Variants in LRRC49 observed in about 807,000 individuals in gnomAD.
LRRC49 encodes the protein leucine-rich repeat-containing protein 49.
In LRRC49, 50 loss-of-function variants were observed where a neutral mutation model predicts 83.3. The observed-to-expected ratio is 0.60, with a 90% CI of 0.48 to 0.76. The LOEUF (loss-of-function observed/expected upper bound fraction) is 0.76, where lower values mean the gene tolerates loss of function less well. Ranked by LOEUF, LRRC49 falls within the 30% of genes least tolerant of loss-of-function variation. LRRC49 has a pLI of 0.00. For missense variants in LRRC49, 704 were observed against 809.1 expected, an observed-to-expected ratio of 0.87 and a Z score of 1.58; for synonymous variants, 286 against 283.3, an observed-to-expected ratio of 1.01 and a Z score of -0.10.
intron 6 of LRRC49, among the ~76,000 whole-genome samples, chr15:70,914,320 G>GT (rs2034673368): frequency 6.6e-6 from 1 of 152,036 alleles, no homozygotes; most frequent in African/African-American, 2.4e-5. Context: ...TTAAGTGAAT[G>GT]TTTTTTGTCT....
intron 14 of LRRC49, among the ~76,000 whole-genome samples, chr15:71,014,133 GA>G (rs34635046): frequency 1.3e-5 from 2 of 151,230 alleles, no homozygotes; most frequent in Admixed American, 6.6e-5. Context: ...AAACCATTCT[GA>G]AAAAAAAGGA....
chr15:70,919,145 G>A lies in LRRC49; in HGVS notation c.663G>A (p.Leu221=). 6.2e-7 allele frequency: 1 copy of A among 1,612,760 alleles called. No homozygotes were observed. Among genetic ancestry groups the A allele is most frequent in the Non-Finnish European group, 8.5e-7 (1 of 1,179,338 alleles). ...GTCATGTTGATAATCTTAATGGGCT[G>A]GATTCACTAACTGAACTTAACTTGC... ...FLSHVDNLNG[L]DSLTELNLRH... Residue 221 remains leucine (L), a synonymous_variant, in exon 7 of 16, where the codon CTG becomes CTA. Transcript: ENST00000260382.
intron 8 of LRRC49, among the ~76,000 whole-genome samples, chr15:70,952,422 A>T (rs1229168055): frequency 6.6e-6 from 1 of 151,572 alleles, no homozygotes; most frequent in Non-Finnish European, 1.5e-5. Flanking sequence ...ACTTTTTATT[A>T]TTGATTTAAT....
chr15:71,038,458 T>C (rs1006769912), intron 15 of LRRC49, among the ~76,000 whole-genome samples: 1 of 152,158 alleles, frequency 6.6e-6, no homozygotes, highest in African/African-American at 2.4e-5. Context: ...TTTCATTTGA[T>C]TGGGTCTTCT....
At chr15:70,985,983 A>G (rs1472298681) in intron 11 of LRRC49, among the ~76,000 whole-genome samples, 6 of 149,252 alleles carry the variant, frequency 4.0e-5, no homozygotes, top group African/African-American at 1.5e-4. Context: ...TGTTCCATTG[A>G]TCTATATCTC....
In LRRC49 at chr15:71,048,068, A is replaced by T. The variant is rs910166684; in HGVS notation, c.1858-1341A>T. On this transcript the variant is annotated intron_variant, in intron 15 of 15. Transcript: ENST00000260382. Reference sequence around the variant, plus strand: ...TGGGATTACAGGTGTGAGCCACTGCACCGGGCCAAATTTTTTTTTTTTTTT... The same window carrying T: ...TGGGATTACAGGTGTGAGCCACTGCTCCGGGCCAAATTTTTTTTTTTTTTT... 2.9e-5 allele frequency among the ~76,000 whole-genome samples: 4 copies of T among 136,736 alleles called. No individual in the cohort carries two copies. In the South Asian group the frequency reaches 9.4e-4, roughly 32 times the overall value. 89.7% of individuals were successfully genotyped at this position (136,736 alleles called of 152,430 possible).
intron 15 of LRRC49, among the ~76,000 whole-genome samples, chr15:71,045,790 G>A (rs373996144): frequency 1.1e-4 from 16 of 152,172 alleles, no homozygotes; most frequent in Middle Eastern, 6.8e-3. Context: ...TTTGGAGTAT[G>A]GATCCTGTCA....
intron 8 of LRRC49, among the ~76,000 whole-genome samples, chr15:70,947,571 G>T (rs2036055066): frequency 6.6e-6 from 1 of 152,116 alleles, no homozygotes; most frequent in Non-Finnish European, 1.5e-5. Context: ...TATAAAGAGC[G>T]CTTCATCTCT....
intron 15 of LRRC49, among the ~76,000 whole-genome samples, chr15:71,045,178 G>A (rs1021140908): frequency 1.3e-5 from 2 of 152,130 alleles, no homozygotes; most frequent in Non-Finnish European, 2.9e-5. Flanking sequence ...GTAGGCGTGA[G>A]CCAAGAATTC....
intron 6 of LRRC49, among the ~76,000 whole-genome samples, chr15:70,914,720 A>G (rs2034691871): frequency 6.6e-6 from 1 of 152,214 alleles, no homozygotes; most frequent in African/African-American, 2.4e-5. Context: ...TTTTTCTCTC[A>G]GTGAATTTTT....
At chr15:70,873,228 G>A in intron 2 of LRRC49, 2 of 1,536,014 alleles carry the variant, frequency 1.3e-6, no homozygotes, top group East Asian at 4.9e-5. Context: ...GCTGAGGTAA[G>A]TCTACACTTT....
chr15:71,002,844 A>G lies in LRRC49; in HGVS notation c.1170-5535A>G, dbSNP rs201739612. On this transcript the variant is annotated intron_variant, in intron 11 of 15. Transcript: ENST00000260382. ...CTAGACATTTAAGAGTATGTTCTAC[A>G]TTTAGCTGGGCTTTCAGAGTCATTA... 4.7e-5 allele frequency among the ~76,000 whole-genome samples: 7 copies of G among 148,158 alleles called. No individual in the cohort carries two copies. The East Asian group carries it at 1.4e-3, about 30-fold the overall frequency.
chr15:70,975,765 C>T (rs189765144), intron 9 of LRRC49, among the ~76,000 whole-genome samples: 59 of 151,796 alleles, frequency 3.9e-4, no homozygotes, highest in African/African-American at 1.4e-3. Flanking sequence ...ATTTAATTGG[C>T]TTAGTGTGAA....
At chr15:71,005,372 A>G (rs529472134) in intron 11 of LRRC49, among the ~76,000 whole-genome samples, 2 of 152,184 alleles carry the variant, frequency 1.3e-5, no homozygotes, top group East Asian at 3.9e-4. Flanking sequence ...TTTAATATAT[A>G]TATTCATCTT....
chr15:71,049,268 G>T (rs1202390188), intron 15 of LRRC49, 141 bp from the exon 16 acceptor site: 1 of 618,290 alleles, frequency 1.6e-6, no homozygotes, highest in African/African-American at 1.8e-5. Context: ...GACTAGGAAA[G>T]AATTCCTGCT....
upstream of LRRC49, chr15:70,892,594 A>C: frequency 6.8e-7 from 1 of 1,469,398 alleles, no homozygotes. Context: ...TGGTTATAGC[A>C]ACCAGTGTGG....
chr15:70,925,957 T>TC (rs1432368580), intron 7 of LRRC49, among the ~76,000 whole-genome samples: 2 of 152,272 alleles, frequency 1.3e-5, no homozygotes, highest in East Asian at 3.9e-4. Context: ...GTTAGTACCC[T>TC]CCCCTGCCCC....
rs144377002 is a variant in LRRC49 at position 70,913,891 on chromosome 15, C to A, written c.567+2293C>A. Reference sequence around the variant, plus strand: ...TGAATACCATATCATTTGATCTGTACCTTATGTATAGGCATTATTTACCAA... The same window carrying A: ...TGAATACCATATCATTTGATCTGTAACTTATGTATAGGCATTATTTACCAA... On this transcript the variant is annotated intron_variant, in intron 6 of 15. Transcript: ENST00000260382. 5.3e-5 allele frequency among the ~76,000 whole-genome samples: 8 copies of A among 152,000 alleles called. No individual in the cohort carries two copies. In the East Asian group the frequency reaches 1.6e-3, roughly 29 times the overall value.
chr15:70,893,949 C>G (rs1441103293), intron 2 of LRRC49, among the ~76,000 whole-genome samples: 11 of 150,920 alleles, frequency 7.3e-5, no homozygotes, highest in Non-Finnish European at 1.5e-5. Flanking sequence ...CGCTGGGGTG[C>G]AGTGGCACAA....
Sources: gnomAD v4.1 joint callset for allele counts (sites outside exome capture counted in the v4.1 genomes callset) on GRCh38, gnomAD v4.1.1 for gene constraint, MANE v1.5 for transcripts, NCBI Gene and HGNC (gene_info 2026-07-23, HGNC 2026-07-21) for gene names.